Variants in GRIA2 observed in about 807,000 individuals in gnomAD.
GRIA2 encodes glutamate receptor 2.
Under a neutral mutation model 97.3 loss-of-function variants are expected in GRIA2, and 14 were observed. That is an observed-to-expected ratio of 0.14 (90% CI 0.10 to 0.23). GRIA2 has a LOEUF of 0.23. Among genes scored for constraint, GRIA2 ranks in the 10% least tolerant of loss-of-function variants. GRIA2 has a pLI of 1.00. For missense variants in GRIA2, 558 were observed against 1,069.8 expected (o/e 0.52, Z 6.67); for synonymous variants, 412 against 387.8 (o/e 1.06, Z -0.73).
At chr4:157,228,940 T>G (rs1729879684) in intron 2 of GRIA2, among the ~76,000 whole-genome samples, 1 of 150,296 alleles carries the variant, frequency 6.7e-6, no homozygotes, top group Non-Finnish European at 1.5e-5. Flanking sequence ...CTGCCAAGCT[T>G]CAATTTTGGT....
At chr4:157,245,401 A>G (rs1730689142) in intron 2 of GRIA2, among the ~76,000 whole-genome samples, 1 of 152,102 alleles carries the variant, frequency 6.6e-6, no homozygotes, top group South Asian at 2.1e-4. Context: ...GTTACATGTC[A>G]TTCAAAGGAA....
intron 2 of GRIA2, among the ~76,000 whole-genome samples, chr4:157,231,614 T>C (rs534599904): frequency 2.0e-5 from 3 of 152,290 alleles, no homozygotes; most frequent in Admixed American, 6.5e-5. Flanking sequence ...GGTAAAAATA[T>C]ACAATATGGA....
intron 3 of GRIA2, among the ~76,000 whole-genome samples, chr4:157,309,053 T>A (rs2126878318): frequency 6.6e-6 from 1 of 152,246 alleles, no homozygotes; most frequent in South Asian, 2.1e-4. Flanking sequence ...CATTGAATGG[T>A]GGTCTCTTCA....
intron 6 of GRIA2, 66 bp downstream of exon 6, chr4:157,321,665 TA>T (rs1734575572): frequency 1.4e-5 from 16 of 1,117,990 alleles, no homozygotes; most frequent in Non-Finnish European, 2.1e-5. Flanking sequence ...TCTTGGCAAA[TA>T]AGGAGGAAGG....
At chr4:157,353,769 G>A (rs1736126703) in intron 12 of GRIA2, among the ~76,000 whole-genome samples, 1 of 152,052 alleles carries the variant, frequency 6.6e-6, no homozygotes, top group Non-Finnish European at 1.5e-5. Flanking sequence ...TTAAGAAGCT[G>A]AGAAATTACA....
intron 2 of GRIA2, among the ~76,000 whole-genome samples, chr4:157,225,061 G>C (rs1473621212): frequency 1.3e-5 from 2 of 152,178 alleles, no homozygotes; most frequent in African/African-American, 4.8e-5. Context: ...TTTTATTCCT[G>C]AGATGGAGGA....
At chr4:157,363,258 C>T in intron 15 of GRIA2, 177 bp from the exon 16 acceptor site, 1 of 615,672 alleles carries the variant, frequency 1.6e-6, no homozygotes, top group Non-Finnish European at 2.6e-6. Context: ...TGGACAGATT[C>T]CTGCCATAAT....
chr4:157,301,661 T>C (rs889861371), intron 2 of GRIA2, among the ~76,000 whole-genome samples: 1 of 152,238 alleles, frequency 6.6e-6, no homozygotes, highest in African/African-American at 2.4e-5. Flanking sequence ...AATGCTCGTA[T>C]TCATGAAACA....
At chr4:157,291,466 A>G (rs1395865268) in intron 2 of GRIA2, among the ~76,000 whole-genome samples, 1 of 152,000 alleles carries the variant, frequency 6.6e-6, no homozygotes, top group African/African-American at 2.4e-5. Flanking sequence ...GCTGAGGACC[A>G]CAGAGTAAAA....
At chr4:157,313,400 T>C (rs1290557703) in intron 4 of GRIA2, among the ~76,000 whole-genome samples, 1 of 152,106 alleles carries the variant, frequency 6.6e-6, no homozygotes. Flanking sequence ...AATTAAAATA[T>C]GTAGGAAGGA....
At chr4:157,254,223 A>G (rs1254196124) in intron 2 of GRIA2, among the ~76,000 whole-genome samples, 1 of 152,062 alleles carries the variant, frequency 6.6e-6, no homozygotes, top group Non-Finnish European at 1.5e-5. Context: ...TATCTGGAAA[A>G]AATAACATAA....
chr4:157,243,127 T>C (rs1309596466), intron 2 of GRIA2, among the ~76,000 whole-genome samples: 1 of 152,054 alleles, frequency 6.6e-6, no homozygotes, highest in Non-Finnish European at 1.5e-5. Flanking sequence ...AGATGTGAGC[T>C]GGGTAACAAT....
At chr4:157,324,903 T>C (rs565430601) in intron 6 of GRIA2, among the ~76,000 whole-genome samples, 1 of 152,162 alleles carries the variant, frequency 6.6e-6, no homozygotes, top group South Asian at 2.1e-4. Context: ...ATATTTCTAA[T>C]GAGATTATTA....
chr4:157,314,136 C>G (rs1351952783), intron 4 of GRIA2, among the ~76,000 whole-genome samples: 4 of 152,054 alleles, frequency 2.6e-5, no homozygotes. Flanking sequence ...AGTTCAAACC[C>G]ATGTTGTTCA....
intron 12 of GRIA2, among the ~76,000 whole-genome samples, chr4:157,344,986 T>C (rs1314098854): frequency 1.3e-5 from 2 of 152,152 alleles, no homozygotes; most frequent in Non-Finnish European, 1.5e-5. Context: ...AAGCACTTCA[T>C]ATAAATTTAT....
intron 2 of GRIA2, among the ~76,000 whole-genome samples, chr4:157,292,337 C>A (rs1733143121): frequency 6.6e-6 from 1 of 151,940 alleles, no homozygotes; most frequent in Non-Finnish European, 1.5e-5. Flanking sequence ...GGAAATTGAA[C>A]ATCTATGTGG....
intron 2 of GRIA2, among the ~76,000 whole-genome samples, chr4:157,234,130 G>A (rs934911670): frequency 6.6e-6 from 1 of 151,822 alleles, no homozygotes; most frequent in African/African-American, 2.4e-5. Context: ...TGTAAAATGG[G>A]GTTCATTATA....
intron 2 of GRIA2, among the ~76,000 whole-genome samples, chr4:157,296,897 C>A (rs954841406): frequency 1.6e-4 from 24 of 152,226 alleles, no homozygotes; most frequent in African/African-American, 5.8e-4. Flanking sequence ...AGTTTATGGG[C>A]AAACTAGACA....
At chr4:157,345,342 T>C (rs1735721787) in intron 12 of GRIA2, among the ~76,000 whole-genome samples, 1 of 151,970 alleles carries the variant, frequency 6.6e-6, no homozygotes, top group Admixed American at 6.6e-5. Context: ...TTTTCTGCAG[T>C]TTTCTGTTTA....
Sources: gnomAD v4.1 joint callset for allele counts (sites outside exome capture counted in the v4.1 genomes callset) on GRCh38, gnomAD v4.1.1 for gene constraint, MANE v1.5 for transcripts, NCBI Gene and HGNC (gene_info 2026-07-23, HGNC 2026-07-21) for gene names.